The following EHD2 variants were observed in gnomAD, a reference collection of about 807,000 sequenced individuals.
The protein encoded by EHD2 is EH domain-containing protein 2.
A neutral mutation model predicts 41.0 loss-of-function variants in EHD2; 27 were observed. The ratio of observed to expected loss-of-function variants is 0.66; its 90% CI spans 0.49 to 0.91. The LOEUF (loss-of-function observed/expected upper bound fraction) is 0.91, where lower values mean the gene tolerates loss of function less well. EHD2 is among the 40% of genes least tolerant of loss of function. The probability of loss-of-function intolerance (pLI) is 0.00; values close to 1 mark genes in which losing one functional copy is unlikely to be tolerated. For missense variants in EHD2, 673 were observed against 773.9 expected (o/e 0.87, Z 1.55); for synonymous variants, 342 against 341.0 (o/e 1.00, Z -0.03).
At chr19:47,727,221 C>T (rs1418645803) in intron 4 of EHD2, among the ~76,000 whole-genome samples, 2 of 152,142 alleles carry the variant, frequency 1.3e-5, no homozygotes, top group African/African-American at 2.4e-5. Context: ...TCTCCTGCCT[C>T]AGCCTCCCGA....
At position 47,736,369 on chromosome 19, in the gene EHD2, G is replaced by T; in HGVS notation, c.916G>T (p.Val306Phe). The T allele has an allele frequency of 6.2e-7, 1 of 1,612,384 alleles. No homozygotes were observed. Among genetic ancestry groups the T allele is most frequent in the Non-Finnish European group, 8.5e-7 (1 of 1,179,380 alleles). ...DLVKRARLVR[V>F]HAYIISYLKK... ...GCTGAGGTGAGAACCCTTCCCACAG[G>T]TTCACGCTTACATCATCAGCTACCT... Residue 306 changes from valine to phenylalanine, a missense_variant and splice_region_variant, in exon 5 of 6, where the codon GTT becomes TTT. Coordinates refer to ENST00000263277, the MANE Select transcript of EHD2 (RefSeq NM_014601.4).
Position 47,726,206 on chromosome 19 carries a change from G to T in EHD2, c.897G>T (p.Lys299Asn). The change falls in exon 4 of 6, where the codon AAG (lysine) becomes AAT (asparagine). Residue 299 changes from lysine (K) to asparagine (N), a missense_variant. Physicochemically the swap from Lys to Asn is moderately conservative, Grantham distance 94. Transcript: ENST00000263277. ...TGCGCAAGCTCAACGACCTGGTGAA[G>T]AGGGCCCGGCTGGTGCGAGTGAGTA... ...AALRKLNDLV[K>N]RARLVRVHAY... 3 of 1,533,630 alleles carry T rather than the reference G, an allele frequency of 2.0e-6. No homozygotes were observed. The highest frequency in any genetic ancestry group is 2.6e-6 in the Non-Finnish European group (3 of 1,139,758).
chr19:47,715,519 T>C (rs1199476444), intron 1 of EHD2, among the ~76,000 whole-genome samples: 1 of 151,800 alleles, frequency 6.6e-6, no homozygotes, highest in Non-Finnish European at 1.5e-5. Flanking sequence ...GGGCCCTGGG[T>C]GGGTAGGGGA....
chr19:47,735,440 A>T (rs1568593050), intron 4 of EHD2, among the ~76,000 whole-genome samples: 2 of 152,108 alleles, frequency 1.3e-5, no homozygotes, highest in Admixed American at 6.6e-5. Flanking sequence ...ACTTGTCAGA[A>T]ATGCAAATTC....
chr19:47,734,496 T>C (rs888069863), intron 4 of EHD2, among the ~76,000 whole-genome samples: 3 of 152,148 alleles, frequency 2.0e-5, no homozygotes, highest in African/African-American at 7.2e-5. Context: ...CTCCCGCCTG[T>C]AATCCAGCAC....
At chr19:47,721,010 G>T (rs1198969656) in intron 3 of EHD2, among the ~76,000 whole-genome samples, 2 of 151,960 alleles carry the variant, frequency 1.3e-5, no homozygotes, top group Non-Finnish European at 2.9e-5. Context: ...GTTCGTGCAG[G>T]TCTCTGTGTC....
At chr19:47,731,999 G>A (rs990082071) in intron 4 of EHD2, 2 of 151,950 alleles carry the variant, frequency 1.3e-5, no homozygotes, top group African/African-American at 4.8e-5. Context: ...GTGTTAGCCA[G>A]GATGGTCTCG....
intron 4 of EHD2, among the ~76,000 whole-genome samples, chr19:47,728,877 G>A (rs1290050711): frequency 6.6e-6 from 1 of 151,068 alleles, no homozygotes; most frequent in Non-Finnish European, 1.5e-5. Context: ...GCCAATCAGG[G>A]CTCTTTGAAT....
rs1277181427 is a variant in EHD2 at position 47,742,967 on chromosome 19, G to A, written c.*1535G>A. 1 of 152,706 alleles carries A rather than the reference G, an allele frequency of 6.5e-6. No homozygotes were observed. Among genetic ancestry groups the A allele is most frequent in the Non-Finnish European group, 1.5e-5 (1 of 68,098 alleles). 9.5% of individuals were successfully genotyped at this position (152,706 alleles called of 1,614,324 possible). A position where few individuals can be genotyped will look rare whatever the true frequency, so the allele number is the denominator to read the frequency against. On this transcript the variant is annotated 3_prime_UTR_variant, in exon 6 of 6. Coordinates refer to ENST00000263277, the MANE Select transcript of EHD2 (RefSeq NM_014601.4). The stretch of plus-strand genomic sequence containing the variant: ...CATATTAGTGCTTGACCCTGGCAGG[G>A]GACCCCATGGAAAAGATGGGGAAGA...
intron 3 of EHD2, among the ~76,000 whole-genome samples, chr19:47,720,584 TGAGA>T (rs1491045120): frequency 6.6e-6 from 1 of 152,094 alleles, no homozygotes; most frequent in South Asian, 2.1e-4. Context: ...CGTGTGTGTG[TGAGA>T]GAGACAGACA....
At chr19:47,718,738 C>G in intron 3 of EHD2, 132 bp downstream of exon 3, 2 of 691,680 alleles carry the variant, frequency 2.9e-6, no homozygotes, top group South Asian at 3.6e-5. Flanking sequence ...ACTCCTGGGT[C>G]TGAGGGAGGA....
At chr19:47,738,502 A>G (rs1966948470) in intron 5 of EHD2, among the ~76,000 whole-genome samples, 1 of 151,806 alleles carries the variant, frequency 6.6e-6, no homozygotes, top group Non-Finnish European at 1.5e-5. Context: ...GGGTTTCACC[A>G]TGTTGTCCAG....
In EHD2 at chr19:47,740,962, C is replaced by T; in HGVS notation, c.1162C>T (p.His388Tyr). 6.2e-7 allele frequency: 1 copy of T among 1,612,608 alleles called. No homozygotes were observed. ...LLEALDEMLT[H>Y]DIAKLMPLLR... is the part of the protein sequence containing the mutation. Reference sequence around the variant, plus strand: ...AGAGGCACTGGACGAGATGCTGACGCACGACATCGCCAAGCTCATGCCCCT... The same window carrying T: ...AGAGGCACTGGACGAGATGCTGACGTACGACATCGCCAAGCTCATGCCCCT... Residue 388 changes from histidine to tyrosine, a missense_variant, in exon 6 of 6, where the codon CAC becomes TAC. His to Tyr is a moderately conservative substitution (Grantham distance 83). Transcript: ENST00000263277.
intron 4 of EHD2, among the ~76,000 whole-genome samples, chr19:47,730,410 C>T (rs1325213029): frequency 6.6e-6 from 1 of 152,088 alleles, no homozygotes; most frequent in Non-Finnish European, 1.5e-5. Context: ...TCCATGGCTC[C>T]CCAGTGCCGT....
chr19:47,727,266 G>A (rs571252822), intron 4 of EHD2, among the ~76,000 whole-genome samples: 1 of 151,798 alleles, frequency 6.6e-6, no homozygotes, highest in African/African-American at 2.4e-5. Flanking sequence ...CACCATGCCC[G>A]GCTAATTGTG....
rs753124186 is a variant in EHD2 at position 47,741,062 on chromosome 19, C to T, written c.1262C>T (p.Pro421Leu). ...GGAFEGTHMG[P>L]FVERGPDEAM... ...GCTTTTGAGGGCACCCACATGGGCC[C>T]GTTTGTGGAGCGGGGACCTGACGAG... Residue 421 changes from proline (P) to leucine (L), a missense_variant, in exon 6 of 6, where the codon CCG becomes CTG. Transcript: ENST00000263277. This position sits in a 1 kb window ranked among gnomAD's most constrained non-coding sequence, Gnocchi z 4.5. 1.6e-5 allele frequency: 25 copies of T among 1,609,302 alleles called. No individual in the cohort carries two copies. The highest frequency in any genetic ancestry group is 6.7e-5 in the African/African-American group (5 of 74,866).
intron 4 of EHD2, among the ~76,000 whole-genome samples, chr19:47,728,705 G>T (rs964966045): frequency 6.6e-6 from 1 of 151,816 alleles, no homozygotes. Flanking sequence ...AGTAGCTGGG[G>T]TTACAGGCGT....
chr19:47,736,283 T>A, intron 4 of EHD2, 86 bp from the exon 5 acceptor site: 1 of 1,285,014 alleles, frequency 7.8e-7, no homozygotes, highest in Non-Finnish European at 1.1e-6. Context: ...TAAATCAGAA[T>A]CTCTGGGAGT....
At chr19:47,726,291 C>G in intron 4 of EHD2, 67 bp downstream of exon 4, 1 of 1,437,188 alleles carries the variant, frequency 7.0e-7, no homozygotes, top group Non-Finnish European at 9.2e-7. Context: ...CCTACCAGTG[C>G]TGTGAGTCCC....
Sources: gnomAD v4.1 joint callset for allele counts (sites outside exome capture counted in the v4.1 genomes callset) on GRCh38, gnomAD v4.1.1 for gene constraint, Gnocchi (gnomAD v3.1) non-coding constraint, MANE v1.5 for transcripts, NCBI Gene and HGNC (gene_info 2026-07-23, HGNC 2026-07-21) for gene names.